SNAP91: variants seen among roughly 807,000 people sequenced by gnomAD.
SNAP91 encodes the protein clathrin coat assembly protein AP180.
A neutral mutation model predicts 100.3 loss-of-function variants in SNAP91; 27 were observed. The observed-to-expected ratio is 0.27, with a 90% CI of 0.20 to 0.37. The LOEUF is 0.37. SNAP91 is among the 10% of genes least tolerant of loss of function. The pLI is 1.00. For missense variants in SNAP91, 986 were observed against 1,123.7 expected (o/e 0.88, Z 1.75); for synonymous variants, 404 against 398.6 (o/e 1.01, Z -0.16).
At chr6:83,637,339 G>T (rs193286149) in intron 8 of SNAP91, among the ~76,000 whole-genome samples, 2 of 152,302 alleles carry the variant, frequency 1.3e-5, no homozygotes, top group African/African-American at 4.8e-5. Context: ...CTCTTGGGGG[G>T]CCCACTGTGC....
At chr6:83,585,815 T>C (rs2092447224) in intron 22 of SNAP91, among the ~76,000 whole-genome samples, 1 of 151,966 alleles carries the variant, frequency 6.6e-6, no homozygotes, top group African/African-American at 2.4e-5. Flanking sequence ...TAACACATCA[T>C]ATTGTTTCAG....
At chr6:83,598,853 A>T (rs2094824518) in intron 16 of SNAP91, among the ~76,000 whole-genome samples, 2 of 152,190 alleles carry the variant, frequency 1.3e-5, no homozygotes, top group African/African-American at 4.8e-5. Flanking sequence ...ACAGATAATG[A>T]CATATATAGA....
intron 7 of SNAP91, among the ~76,000 whole-genome samples, chr6:83,641,883 C>A (rs2097717026): frequency 6.6e-6 from 1 of 152,166 alleles, no homozygotes; most frequent in Non-Finnish European, 1.5e-5. Flanking sequence ...TTCACACTCT[C>A]AAGACTAGAA....
intron 10 of SNAP91, among the ~76,000 whole-genome samples, chr6:83,615,522 G>A (rs372526503): frequency 4.6e-5 from 7 of 152,080 alleles, no homozygotes; most frequent in African/African-American, 1.4e-4. Flanking sequence ...CTGAACTAGG[G>A]CATCTCTTAT....
chr6:83,560,677 G>A lies in SNAP91; in HGVS notation c.2526+187C>T, dbSNP rs73484856. ...AAATTAATTTGATGGTAGAACATAA[G>A]TATTTTATAACTCATTTTATCACTT... On this transcript the variant is annotated intron_variant, in intron 27 of 29. Transcript: ENST00000369694. Among the ~76,000 whole-genome samples the A allele has an allele frequency of 2.4e-3, 373 of 152,278 alleles. 1 individual carries two copies. The highest frequency in any genetic ancestry group is 8.1e-3 in the African/African-American group (338 of 41,564).
chr6:83,660,016 T>C (rs937196471), intron 5 of SNAP91, among the ~76,000 whole-genome samples: 5 of 152,164 alleles, frequency 3.3e-5, no homozygotes, highest in African/African-American at 9.7e-5. Context: ...GTGATGGTGA[T>C]GGTTGAGGAG....
At chr6:83,707,304 G>A (rs1304057118) in intron 2 of SNAP91, among the ~76,000 whole-genome samples, 1 of 151,806 alleles carries the variant, frequency 6.6e-6, no homozygotes, top group Non-Finnish European at 1.5e-5. Context: ...ACAATCCTCA[G>A]GAGCAACACT....
chr6:83,669,738 A>C (rs2098749937), intron 2 of SNAP91, among the ~76,000 whole-genome samples: 1 of 152,028 alleles, frequency 6.6e-6, no homozygotes, highest in South Asian at 2.1e-4. Context: ...GAAGGGAATA[A>C]AACTTTTTTC....
intron 26 of SNAP91, among the ~76,000 whole-genome samples, chr6:83,564,100 T>C (rs1338491346): frequency 3.3e-5 from 5 of 152,082 alleles, no homozygotes; most frequent in Non-Finnish European, 7.4e-5. Context: ...GTTTCAAAAC[T>C]TAATAGAAAG....
chr6:83,661,755 T>C (rs2098547009), intron 4 of SNAP91, among the ~76,000 whole-genome samples, 151 bp from the exon 5 acceptor site: 1 of 152,226 alleles, frequency 6.6e-6, no homozygotes, highest in Admixed American at 6.5e-5. Context: ...AAAATCCTGC[T>C]TCTAGGCAAA....
At chr6:83,639,660 A>T (rs998169693) in intron 8 of SNAP91, among the ~76,000 whole-genome samples, 1 of 152,178 alleles carries the variant, frequency 6.6e-6, no homozygotes, top group Non-Finnish European at 1.5e-5. Flanking sequence ...ATTGACACAT[A>T]AGTAGAACTT....
chr6:83,642,803 T>C (rs217324), intron 7 of SNAP91, among the ~76,000 whole-genome samples: 150,886 of 152,242 alleles, frequency 0.99, 74,772 homozygotes, highest in East Asian at 1. Context: ...TACAGTCCCA[T>C]CAACAGTGTA....
intron 7 of SNAP91, among the ~76,000 whole-genome samples, chr6:83,647,451 T>C (rs1050945828): frequency 1.3e-5 from 2 of 152,212 alleles, no homozygotes; most frequent in African/African-American, 4.8e-5. Flanking sequence ...ACTGATATGA[T>C]TTTTCTCTTT....
chr6:83,701,475 C>T (rs920202960), intron 2 of SNAP91, among the ~76,000 whole-genome samples: 1 of 150,668 alleles, frequency 6.6e-6, no homozygotes, highest in Non-Finnish European at 1.5e-5. Context: ...GACAAAGTCT[C>T]ACTCTTGTCC....
At chr6:83,621,989 T>C (rs1387554727) in intron 9 of SNAP91, among the ~76,000 whole-genome samples, 1 of 152,094 alleles carries the variant, frequency 6.6e-6, no homozygotes, top group East Asian at 1.9e-4. Context: ...CACACTTATT[T>C]TCTTTGCTTT....
At position 83,592,544 on chromosome 6, in the gene SNAP91, G is replaced by A. The variant is rs1343043469; in HGVS notation, c.1847-6C>T. On this transcript the variant is annotated splice_region_variant and splice_polypyrimidine_tract_variant and intron_variant, in intron 20 of 29. Coordinates refer to ENST00000369694, the MANE Select transcript of SNAP91 (RefSeq NM_001242792.2). ...TGGTGCTGCAAATGCATCCACTGCA[G>A]TGAAGCACAGACAGGAAAAAGTGCA... is the stretch of plus-strand genomic sequence containing the variant. 5 of 1,601,596 alleles carry A rather than the reference G, an allele frequency of 3.1e-6. No homozygotes were observed. Among genetic ancestry groups the A allele is most frequent in the Non-Finnish European group, 3.4e-6 (4 of 1,173,600 alleles).
chr6:83,662,494 G>T, intron 3 of SNAP91, 72 bp from the exon 4 acceptor site: 2 of 551,608 alleles, frequency 3.6e-6, no homozygotes, highest in Non-Finnish European at 2.9e-6. Context: ...ACACTAAAGC[G>T]ATTTTTTTTT....
At chr6:83,686,827 A>G (rs1344504392) in intron 2 of SNAP91, 1 of 152,208 alleles carries the variant, frequency 6.6e-6, no homozygotes, top group Non-Finnish European at 1.5e-5. Flanking sequence ...ATGAATGCCA[A>G]CTTCTATAAA....
Position 83,659,100 on chromosome 6 carries a change from TAA to T in SNAP91, c.453-10_453-9del, listed in dbSNP as rs754636292. 0.025 allele frequency: 33,992 copies of T among 1,355,362 alleles called. No individual in the cohort carries two copies. The highest frequency in any genetic ancestry group is 0.033 in the South Asian group (2,412 of 72,498). The allele number at this position is 1,355,362 out of a possible 1,614,324, so 84.0% of individuals were successfully genotyped here. ...CTCATTACACCATCGGCCCTACAAT[TAA>T]AAAAAAAAAAAAGGTACAATTTCAT... On this transcript the variant is annotated splice_polypyrimidine_tract_variant and intron_variant, in intron 5 of 29. Coordinates refer to ENST00000369694, the MANE Select transcript of SNAP91 (RefSeq NM_001242792.2).
Sources: allele counts gnomAD v4.1 joint callset (sites outside exome capture counted in the v4.1 genomes callset), GRCh38; gene constraint gnomAD v4.1.1; transcripts MANE v1.5; gene names NCBI Gene and HGNC (gene_info 2026-07-23, HGNC 2026-07-21).